GALNT13: variants seen among roughly 807,000 people sequenced by gnomAD.
GALNT13 encodes the protein UDP-GalNAc:polypeptide N-acetylgalactosaminyltransferase 13.
GALNT13 carries 28 observed loss-of-function variants against 64.2 expected under a neutral mutation model. That is an observed-to-expected ratio of 0.44 (90% CI 0.32 to 0.60). GALNT13 has a LOEUF of 0.60. Ranked by LOEUF, GALNT13 falls within the 20% of genes least tolerant of loss-of-function variation. GALNT13 has a pLI of 0.05. For synonymous variants in GALNT13, 214 were observed against 224.6 expected (o/e 0.95, Z 0.42); for missense variants, 577 against 669.8 (o/e 0.86, Z 1.53).
At chr2:154,141,099 A>C (rs1237401428) in intron 4 of GALNT13, among the ~76,000 whole-genome samples, 2 of 152,168 alleles carry the variant, frequency 1.3e-5, no homozygotes, top group African/African-American at 4.8e-5. Flanking sequence ...ACGGTGTAAC[A>C]GATAAAAATT....
rs569095927 is a variant in GALNT13 at position 154,314,802 on chromosome 2, C to T, written c.1156+13213C>T. Among the ~76,000 whole-genome samples, 4 of 152,286 alleles carry T rather than the reference C, an allele frequency of 2.6e-5. No homozygotes were observed. The South Asian group carries it at 6.2e-4, about 24-fold the overall frequency. On this transcript the variant is annotated intron_variant, in intron 9 of 12. Transcript: ENST00000392825. ...CCTTCCTTCACTTCCCATTAGGCCCCTACTTCCAACATTGGGGATCATATT... is the reference window on the plus strand; with the variant it reads ...CCTTCCTTCACTTCCCATTAGGCCCTTACTTCCAACATTGGGGATCATATT...
At chr2:153,164,154 A>G in the GALNT13 span, among the ~76,000 whole-genome samples, 2 of 152,064 alleles carry the variant, frequency 1.3e-5, no homozygotes, top group South Asian at 4.1e-4. Context: ...ATTTTTATTG[A>G]AAAATTGGAA....
At chr2:154,172,253 T>C (rs1324309050) in intron 4 of GALNT13, among the ~76,000 whole-genome samples, 2 of 152,088 alleles carry the variant, frequency 1.3e-5, no homozygotes, top group African/African-American at 2.4e-5. Context: ...TTTGTAAAGA[T>C]CAATCCATCA....
rs141635261 is a variant in GALNT13 at position 154,109,506 on chromosome 2, C to CT, written c.143-30828dup. On this transcript the variant is annotated intron_variant, in intron 3 of 12. Transcript: ENST00000392825. ...ATTGCTCTGGCAAGGGTTTAGAGTA[C>CT]TTTGTTTAATAGAGGTGGTAAGAGT... 8.6e-5 allele frequency among the ~76,000 whole-genome samples: 13 copies of CT among 151,538 alleles called. No individual in the cohort carries two copies. The East Asian group carries it at 2.5e-3, about 30-fold the overall frequency.
chr2:153,536,462 G>A, the GALNT13 span, among the ~76,000 whole-genome samples: 33 of 150,192 alleles, frequency 2.2e-4, 1 homozygote, highest in South Asian at 4.6e-3. Flanking sequence ...GTGATTTTGA[G>A]TTTTTTTTTT....
At chr2:153,197,055 T>C in the GALNT13 span, among the ~76,000 whole-genome samples, 1 of 152,110 alleles carries the variant, frequency 6.6e-6, no homozygotes, top group African/African-American at 2.4e-5. Context: ...CCCAAAGTGA[T>C]GTGTACAGGT....
chr2:154,402,560 A>C (rs2105376122), intron 10 of GALNT13, among the ~76,000 whole-genome samples: 1 of 152,378 alleles, frequency 6.6e-6, no homozygotes, highest in African/African-American at 2.4e-5. Context: ...TGTGCCATAT[A>C]TTCAAACATA....
the GALNT13 span, among the ~76,000 whole-genome samples, chr2:153,361,118 C>G: frequency 6.6e-6 from 1 of 152,030 alleles, no homozygotes; most frequent in Non-Finnish European, 1.5e-5. Flanking sequence ...CCCAGCAAAC[C>G]ACAGCAGCCC....
chr2:153,824,843 C>G, the GALNT13 span, among the ~76,000 whole-genome samples: 1 of 152,210 alleles, frequency 6.6e-6, no homozygotes, highest in Middle Eastern at 3.4e-3. Flanking sequence ...ACCTCTCTGT[C>G]CCTCCTGCTC....
intron 1 of GALNT13, among the ~76,000 whole-genome samples, chr2:153,875,709 A>G (rs532444666): frequency 1.3e-5 from 2 of 152,330 alleles, no homozygotes; most frequent in East Asian, 3.9e-4. Flanking sequence ...TTTCTGAATA[A>G]TAACAGTCGA....
chr2:153,105,553 C>T, the GALNT13 span, among the ~76,000 whole-genome samples: 29 of 152,138 alleles, frequency 1.9e-4, no homozygotes, highest in South Asian at 4.8e-3. Context: ...AAATAAAGGG[C>T]GTTCAATTAG....
chr2:153,488,412 T>G, the GALNT13 span, among the ~76,000 whole-genome samples: 3 of 152,216 alleles, frequency 2.0e-5, no homozygotes. Flanking sequence ...AGAGCTATAG[T>G]ATACTGCTCC....
chr2:153,352,727 G>T, the GALNT13 span, among the ~76,000 whole-genome samples: 1 of 152,082 alleles, frequency 6.6e-6, no homozygotes, highest in Non-Finnish European at 1.5e-5. Context: ...TCTCTTCATT[G>T]TATTGCCTTT....
At chr2:153,886,292 A>G (rs886068807) in intron 1 of GALNT13, among the ~76,000 whole-genome samples, 2 of 151,574 alleles carry the variant, frequency 1.3e-5, no homozygotes, top group African/African-American at 4.9e-5. Context: ...TGCATGTGCC[A>G]TGTTGGTGTG....
chr2:153,625,238 G>T, the GALNT13 span, among the ~76,000 whole-genome samples: 11 of 152,030 alleles, frequency 7.2e-5, no homozygotes, highest in African/African-American at 2.2e-4. Flanking sequence ...AGGGGAGAGT[G>T]GGGGGAATGG....
At chr2:154,119,837 T>G (rs551655730) in intron 3 of GALNT13, among the ~76,000 whole-genome samples, 1 of 152,346 alleles carries the variant, frequency 6.6e-6, no homozygotes, top group African/African-American at 2.4e-5. Flanking sequence ...TTCCAAACTT[T>G]ATTACGTTTT....
At chr2:153,251,157 A>C in the GALNT13 span, among the ~76,000 whole-genome samples, 1 of 152,242 alleles carries the variant, frequency 6.6e-6, no homozygotes, top group Non-Finnish European at 1.5e-5. Flanking sequence ...ATTGCCAAAT[A>C]TGAAATGGTG....
chr2:153,319,443 A>G, the GALNT13 span, among the ~76,000 whole-genome samples: 1 of 151,702 alleles, frequency 6.6e-6, no homozygotes, highest in Non-Finnish European at 1.5e-5. Flanking sequence ...CCAGGTAGCT[A>G]TTTATTTTTT....
At chr2:153,205,175 G>T in the GALNT13 span, among the ~76,000 whole-genome samples, 11 of 122,142 alleles carry the variant, frequency 9.0e-5, no homozygotes, top group Non-Finnish European at 1.4e-4. Flanking sequence ...GAAAACTTTA[G>T]TGTTTTTTTT....
Sources: allele counts gnomAD v4.1 joint callset (sites outside exome capture counted in the v4.1 genomes callset), GRCh38; gene constraint gnomAD v4.1.1; transcripts MANE v1.5; gene names NCBI Gene and HGNC (gene_info 2026-07-23, HGNC 2026-07-21).